The following HDLBP variants were observed in gnomAD, a reference collection of about 807,000 sequenced individuals.
The protein encoded by HDLBP is high density lipoprotein binding protein.
HDLBP carries 30 observed loss-of-function variants against 137.3 expected under a neutral mutation model. The ratio of observed to expected loss-of-function variants is 0.22; its 90% CI spans 0.16 to 0.30. The LOEUF (loss-of-function observed/expected upper bound fraction) is 0.30. Ranked by LOEUF, HDLBP falls within the 10% of genes least tolerant of loss-of-function variation. The probability of loss-of-function intolerance (pLI) is 1.00; values close to 1 mark genes in which losing one functional copy is unlikely to be tolerated. For missense variants in HDLBP, 1,119 were observed against 1,667.3 expected (o/e 0.67, Z 5.73); for synonymous variants, 606 against 596.0 (o/e 1.02, Z -0.24).
rs372496540 is a variant in HDLBP at position 241,256,361 on chromosome 2, T to A, written c.696A>T (p.Ala232=). Residue 232 remains alanine (A), a synonymous_variant, in exon 7 of 28, where the codon GCA becomes GCT. Coordinates refer to ENST00000310931, the MANE Select transcript of HDLBP (RefSeq NM_005336.6). ...RAVERLEVEK[A]FHPFIAGPYN... is the part of the protein sequence containing the mutation. The stretch of plus-strand genomic sequence containing the variant: ...ACGGCCCAGCGATGAAGGGGTGGAA[T>A]GCCTTTTCTACTTCTAGCCTCTCCA... The A allele has an allele frequency of 3.1e-6, 5 of 1,613,404 alleles. No homozygotes were observed. The African/African-American group carries it at 4.0e-5, about 13-fold the overall frequency.
chr2:241,275,994 G>C (rs977393511), intron 1 of HDLBP, among the ~76,000 whole-genome samples: 1 of 152,106 alleles, frequency 6.6e-6, no homozygotes, highest in African/African-American at 2.4e-5. Flanking sequence ...AGTGAAACAA[G>C]TGGTGACCCT....
intron 1 of HDLBP, among the ~76,000 whole-genome samples, chr2:241,283,532 T>C (rs2074692458): frequency 6.6e-6 from 1 of 151,644 alleles, no homozygotes; most frequent in Non-Finnish European, 1.5e-5. Context: ...TGGAGTGCAG[T>C]GGCATGATCT....
At position 241,230,007 on chromosome 2, in the gene HDLBP, C is replaced by T. The variant is rs749808353; in HGVS notation, c.3592-46G>A. 3 of 1,570,984 alleles carry T rather than the reference C, an allele frequency of 1.9e-6. No homozygotes were observed. The Admixed American group carries it at 5.3e-5, about 28-fold the overall frequency. On this transcript the variant is annotated intron_variant, in intron 26 of 27. Transcript: ENST00000310931. The surrounding 1 kb of genome is among the most constrained non-coding windows in gnomAD (Gnocchi z 5.0). Reference sequence around the variant, plus strand: ...GACAGGGTCAGTCTGCCCAGCACCCCCAGCATCCCGCCCGCCTGCTCACCC... The same window carrying T: ...GACAGGGTCAGTCTGCCCAGCACCCTCAGCATCCCGCCCGCCTGCTCACCC...
At position 241,229,580 on chromosome 2, in the gene HDLBP, G is replaced by C. The variant is rs746964103; in HGVS notation, c.*21C>G. On this transcript the variant is annotated 3_prime_UTR_variant, in exon 28 of 28. Coordinates refer to ENST00000310931, the MANE Select transcript of HDLBP (RefSeq NM_005336.6). ...TGGGTTTGGGTCAGCAGGCTGGAGA[G>C]GGTTCTGTTCTTTTTGATCATTATC... The C allele has an allele frequency of 1.3e-6, 2 of 1,582,710 alleles. No individual in the cohort carries two copies. The highest frequency in any genetic ancestry group is 1.1e-5 in the South Asian group (1 of 90,052).
At chr2:241,298,512 C>G (rs188240940) in intron 1 of HDLBP, among the ~76,000 whole-genome samples, 33 of 152,208 alleles carry the variant, frequency 2.2e-4, no homozygotes, top group African/African-American at 7.0e-4. Flanking sequence ...ACTGGGGAAA[C>G]CATGAGCCAA....
At chr2:241,268,024 C>T in intron 2 of HDLBP, 1 of 909,362 alleles carries the variant, frequency 1.1e-6, no homozygotes. Flanking sequence ...TCCAGGTGAG[C>T]TCCAAACTAC....
At chr2:241,295,272 A>G (rs574304784) in intron 1 of HDLBP, among the ~76,000 whole-genome samples, 1 of 152,238 alleles carries the variant, frequency 6.6e-6, no homozygotes, top group Non-Finnish European at 1.5e-5. Flanking sequence ...CTAAAAAGCT[A>G]ATAGTATAGT....
intron 1 of HDLBP, among the ~76,000 whole-genome samples, chr2:241,313,114 T>C (rs2075801958): frequency 6.6e-6 from 1 of 152,232 alleles, no homozygotes; most frequent in South Asian, 2.1e-4. Flanking sequence ...GACCACATTC[T>C]GTAGGAAGAC....
chr2:241,299,703 C>T (rs980452173), intron 1 of HDLBP, among the ~76,000 whole-genome samples: 3 of 152,034 alleles, frequency 2.0e-5, no homozygotes, highest in African/African-American at 7.2e-5. Context: ...ATCACGAGGT[C>T]AGGAGATCGA....
chr2:241,248,543 C>T (rs2071861613), intron 12 of HDLBP, among the ~76,000 whole-genome samples, 195 bp from the exon 13 acceptor site: 1 of 152,122 alleles, frequency 6.6e-6, no homozygotes, highest in South Asian at 2.1e-4. Flanking sequence ...AGTGCTCTCA[C>T]CAAGCATCGC....
chr2:241,290,262 G>A (rs1364526612), intron 1 of HDLBP, among the ~76,000 whole-genome samples: 1 of 152,162 alleles, frequency 6.6e-6, no homozygotes, highest in Non-Finnish European at 1.5e-5. Context: ...GGACAGGGAT[G>A]GAAATCAAGC....
chr2:241,256,304 C>G lies in HDLBP; in HGVS notation c.753G>C (p.Glu251Asp), dbSNP rs145890016. 1,799 of 1,614,132 alleles carry G rather than the reference C, an allele frequency of 1.1e-3. 21 individuals are homozygous for G. In the African/African-American group the frequency reaches 0.021, roughly 19 times the overall value. ...GGGGGATGTTGATGCGCGTGCCTGT[C>G]TCCTGCATGATCTCGCCAACCAGTC... is the stretch of plus-strand genomic sequence containing the variant. Reference protein sequence around the residue: ...YNRLVGEIMQETGTRINIPPP... With the variant: ...YNRLVGEIMQDTGTRINIPPP... The change falls in exon 7 of 28, where the codon GAG becomes GAC. Residue 251 changes from glutamate to aspartate, a missense_variant. This residue lies in a region of HDLBP where 425 missense variants were observed against 693.9 expected (regional missense o/e 0.61). Coordinates refer to ENST00000310931, the MANE Select transcript of HDLBP (RefSeq NM_005336.6).
intron 2 of HDLBP, chr2:241,267,720 G>C: frequency 6.5e-7 from 1 of 1,534,304 alleles, no homozygotes; most frequent in Non-Finnish European, 8.7e-7. Context: ...TGCGTGACAG[G>C]AAAAAGCAGC....
intron 16 of HDLBP, among the ~76,000 whole-genome samples, chr2:241,246,309 G>C (rs2071674119): frequency 6.6e-6 from 1 of 152,180 alleles, no homozygotes. Flanking sequence ...TGCCAAGTGG[G>C]ATGGAGGGAG....
At chr2:241,286,641 G>A (rs1178572373) in intron 1 of HDLBP, among the ~76,000 whole-genome samples, 3 of 152,152 alleles carry the variant, frequency 2.0e-5, no homozygotes, top group Non-Finnish European at 4.4e-5. Context: ...TTGGGCACAC[G>A]TCATCAGGAC....
intron 1 of HDLBP, among the ~76,000 whole-genome samples, chr2:241,290,615 G>GAAA (rs199969641): frequency 1.4e-5 from 2 of 144,922 alleles, no homozygotes. Flanking sequence ...TGTCTCAAAG[G>GAAA]AAAAAAAAAA....
At chr2:241,305,413 G>A (rs373178674) in intron 1 of HDLBP, among the ~76,000 whole-genome samples, 2 of 152,068 alleles carry the variant, frequency 1.3e-5, no homozygotes, top group African/African-American at 4.8e-5. Flanking sequence ...GTGAACCACC[G>A]GACCTGGCCA....
chr2:241,238,395 C>CT lies in HDLBP; in HGVS notation c.2749+253_2749+254insA. The stretch of plus-strand genomic sequence containing the variant: ...ACACCCGAGGATGAGGCTGCACGCT[C>CT]CTCATCGCCTTGGGACTGGCTACCT... On this transcript the variant is annotated intron_variant, in intron 20 of 27. Transcript: ENST00000310931. This position sits in a 1 kb window ranked among gnomAD's most constrained non-coding sequence, Gnocchi z 4.9. 3.1e-6 allele frequency: 1 copy of CT among 326,816 alleles called. No homozygotes were observed. Among genetic ancestry groups the CT allele is most frequent in the Non-Finnish European group, 5.6e-6 (1 of 179,846 alleles). The allele number at this position is 326,816 out of a possible 1,614,324, so 20.2% of individuals were successfully genotyped here.
chr2:241,256,744 C>T lies in HDLBP; in HGVS notation c.513G>A (p.Glu171=). 4.3e-6 allele frequency: 7 copies of T among 1,614,198 alleles called. No individual in the cohort carries two copies. The highest frequency in any genetic ancestry group is 4.5e-5 in the East Asian group (2 of 44,890). ...HHRFVIGKNG[E]KLQDLELKTA... is the part of the protein sequence containing the mutation. ...TTTTTAGCTCCAAGTCTTGCAGTTTCTCTCCATTTTTGCCAATAACAAAGC... is the reference window on the plus strand; with the variant it reads ...TTTTTAGCTCCAAGTCTTGCAGTTTTTCTCCATTTTTGCCAATAACAAAGC... The change falls in exon 6 of 28, where the codon GAG becomes GAA. Residue 171 remains glutamate, a synonymous_variant. Coordinates refer to ENST00000310931, the MANE Select transcript of HDLBP (RefSeq NM_005336.6).
Sources: allele counts gnomAD v4.1 joint callset (sites outside exome capture counted in the v4.1 genomes callset), GRCh38; gene constraint gnomAD v4.1.1; regional missense constraint gnomAD v4.1.1; non-coding constraint Gnocchi (gnomAD v3.1); transcripts MANE v1.5; gene names NCBI Gene and HGNC (gene_info 2026-07-23, HGNC 2026-07-21).